The following NRXN1 variants were observed in gnomAD, a reference collection of about 807,000 sequenced individuals.
NRXN1 encodes neurexin-1.
Under a neutral mutation model 150.9 loss-of-function variants are expected in NRXN1, and 39 were observed. That is an observed-to-expected ratio of 0.26 (90% CI 0.20 to 0.34). The LOEUF (loss-of-function observed/expected upper bound fraction) is 0.34. Ranked by LOEUF, NRXN1 falls within the 10% of genes least tolerant of loss-of-function variation. NRXN1 has a pLI of 1.00. For synonymous variants in NRXN1, 924 were observed against 757.0 expected, an observed-to-expected ratio of 1.22 and a Z score of -3.62; for missense variants, 1,815 against 1,949.9, an observed-to-expected ratio of 0.93 and a Z score of 1.30.
intron 17 of NRXN1, among the ~76,000 whole-genome samples, chr2:50,318,472 G>A (rs1575065403): frequency 6.6e-6 from 1 of 152,050 alleles, no homozygotes; most frequent in African/African-American, 2.4e-5. Context: ...GCATGATCCA[G>A]AGTCACATGA....
At chr2:49,993,255 A>G (rs527250265) in intron 21 of NRXN1, among the ~76,000 whole-genome samples, 6 of 152,330 alleles carry the variant, frequency 3.9e-5, no homozygotes, top group African/African-American at 1.4e-4. Context: ...CTGAACCATA[A>G]AAAGACATGA....
At chr2:50,790,939 G>A (rs1396002595) in intron 5 of NRXN1, among the ~76,000 whole-genome samples, 1 of 151,998 alleles carries the variant, frequency 6.6e-6, no homozygotes, top group Non-Finnish European at 1.5e-5. Context: ...TTTGGATTTT[G>A]GAGCACTTCA....
At chr2:50,645,402 G>T (rs1012959670) in intron 5 of NRXN1, among the ~76,000 whole-genome samples, 2 of 151,832 alleles carry the variant, frequency 1.3e-5, no homozygotes, top group Non-Finnish European at 2.9e-5. Flanking sequence ...GGAATTAATA[G>T]CACCTGCATC....
chr2:50,554,417 T>C (rs1451422120), intron 8 of NRXN1: 1 of 152,204 alleles, frequency 6.6e-6, no homozygotes, highest in Non-Finnish European at 1.5e-5. Context: ...GCTCTGGTAT[T>C]GGACTTCCTG....
At chr2:50,020,523 C>G (rs2152559149) in intron 21 of NRXN1, among the ~76,000 whole-genome samples, 1 of 152,304 alleles carries the variant, frequency 6.6e-6, no homozygotes, top group East Asian at 1.9e-4. Flanking sequence ...GGTTAATACT[C>G]TGAAGAATTA....
intron 17 of NRXN1, among the ~76,000 whole-genome samples, chr2:50,317,822 A>T: frequency 6.6e-6 from 1 of 152,068 alleles, no homozygotes. Flanking sequence ...CATGAAAGGA[A>T]TTGAAACATT....
At chr2:50,714,908 T>A (rs1165327337) in intron 5 of NRXN1, among the ~76,000 whole-genome samples, 3 of 152,106 alleles carry the variant, frequency 2.0e-5, no homozygotes, top group Non-Finnish European at 4.4e-5. Context: ...ATTAGAATAA[T>A]TCAGTATAAA....
intron 8 of NRXN1, among the ~76,000 whole-genome samples, chr2:50,598,244 T>C (rs976030630): frequency 2.6e-5 from 4 of 152,000 alleles, no homozygotes; most frequent in African/African-American, 9.7e-5. Flanking sequence ...CCTGCCCTTA[T>C]CCAGTACTCT....
At chr2:49,931,105 C>G (rs979500360) in intron 22 of NRXN1, among the ~76,000 whole-genome samples, 4 of 152,114 alleles carry the variant, frequency 2.6e-5, no homozygotes, top group African/African-American at 9.7e-5. Context: ...GCCCTCCAGC[C>G]TGGGAGACAG....
chr2:49,944,900 C>T (rs1672617121), intron 21 of NRXN1, among the ~76,000 whole-genome samples: 1 of 152,028 alleles, frequency 6.6e-6, no homozygotes, highest in Non-Finnish European at 1.5e-5. Flanking sequence ...ACGATATGAG[C>T]ACCTAATATT....
intron 8 of NRXN1, among the ~76,000 whole-genome samples, chr2:50,578,881 T>C (rs1671831073): frequency 6.6e-6 from 1 of 152,094 alleles, no homozygotes; most frequent in Non-Finnish European, 1.5e-5. Context: ...GATGAGAATA[T>C]TACATGAACG....
chr2:50,183,275 G>T (rs1345438843), intron 18 of NRXN1, among the ~76,000 whole-genome samples: 2 of 152,028 alleles, frequency 1.3e-5, no homozygotes. Flanking sequence ...GGCATCTGAG[G>T]TTTGAAAGTT....
chr2:50,016,280 T>C (rs1308702281), intron 21 of NRXN1, among the ~76,000 whole-genome samples: 1 of 152,104 alleles, frequency 6.6e-6, no homozygotes, highest in East Asian at 1.9e-4. Flanking sequence ...GAAGGCAAGA[T>C]GCCATTTTCT....
At chr2:50,492,577 A>C (rs1016293953) in intron 15 of NRXN1, among the ~76,000 whole-genome samples, 6 of 152,080 alleles carry the variant, frequency 3.9e-5, no homozygotes, top group African/African-American at 1.4e-4. Flanking sequence ...AAACAAAAGA[A>C]ATTCTACTTC....
At chr2:50,736,506 T>C (rs909638441) in intron 5 of NRXN1, among the ~76,000 whole-genome samples, 8 of 152,130 alleles carry the variant, frequency 5.3e-5, no homozygotes. Flanking sequence ...GCAGCTCCCA[T>C]AATTCCCATC....
intron 18 of NRXN1, among the ~76,000 whole-genome samples, chr2:50,162,514 A>G (rs2059422555): frequency 6.6e-6 from 1 of 152,138 alleles, no homozygotes; most frequent in Non-Finnish European, 1.5e-5. Context: ...GCAACAGTGC[A>G]CTATGAAATA....
intron 17 of NRXN1, among the ~76,000 whole-genome samples, chr2:50,398,174 A>T (rs2082164321): frequency 6.6e-6 from 1 of 151,966 alleles, no homozygotes; most frequent in Admixed American, 6.6e-5. Context: ...TTCCACAGTA[A>T]CTCCCAGCAC....
intron 10 of NRXN1, among the ~76,000 whole-genome samples, chr2:50,531,808 C>T (rs527584741): frequency 4.6e-5 from 7 of 152,012 alleles, no homozygotes; most frequent in Non-Finnish European, 7.4e-5. Flanking sequence ...GAAACACCAG[C>T]GAAGTTGTGG....
intron 17 of NRXN1, among the ~76,000 whole-genome samples, chr2:50,313,033 AC>A (rs2075305015): frequency 6.6e-6 from 1 of 152,116 alleles, no homozygotes; most frequent in Non-Finnish European, 1.5e-5. Context: ...AAAGTATATA[AC>A]AACATTATAT....
Sources: allele counts gnomAD v4.1 joint callset (sites outside exome capture counted in the v4.1 genomes callset), GRCh38; gene constraint gnomAD v4.1.1; transcripts MANE v1.5; gene names NCBI Gene and HGNC (gene_info 2026-07-23, HGNC 2026-07-21).